RAPGEF2: variants seen among roughly 807,000 people sequenced by gnomAD.
RAPGEF2 encodes Rap guanine nucleotide exchange factor 2, also known as PDZ domain containing guanine nucleotide exchange factor (GEF) 1.
A neutral mutation model predicts 186.7 loss-of-function variants in RAPGEF2; 54 were observed. The observed-to-expected ratio is 0.29, with a 90% CI of 0.23 to 0.36. RAPGEF2 has a LOEUF of 0.36. Ranked by LOEUF, RAPGEF2 falls within the 10% of genes least tolerant of loss-of-function variation. The pLI, the probability that RAPGEF2 is intolerant of heterozygous loss-of-function variation, is 1.00. For missense variants in RAPGEF2, 1,532 were observed against 2,045.0 expected (o/e 0.75, Z 4.84); for synonymous variants, 712 against 705.9 (o/e 1.01, Z -0.14).
chr4:159,141,480 G>GGT (rs1438751874), intron 1 of RAPGEF2, among the ~76,000 whole-genome samples: 1 of 152,058 alleles, frequency 6.6e-6, no homozygotes, highest in Non-Finnish European at 1.5e-5. Context: ...ATAGTGCTGT[G>GGT]GTGAATATCA....
intron 8 of RAPGEF2, among the ~76,000 whole-genome samples, chr4:159,309,565 G>A (rs1421574113): frequency 2.0e-5 from 3 of 152,192 alleles, no homozygotes; most frequent in Non-Finnish European, 4.4e-5. Context: ...AGAGTCTTGA[G>A]TGAAGATCCT....
chr4:159,337,867 G>A (rs1487109321), intron 17 of RAPGEF2, among the ~76,000 whole-genome samples: 1 of 121,298 alleles, frequency 8.2e-6, no homozygotes, highest in African/African-American at 3.1e-5. Flanking sequence ...TCCAGCCTGG[G>A]TGACAGAGTG....
rs1056078833 is a variant in RAPGEF2 at position 159,304,561 on chromosome 4, A to T, written c.675+88A>T. On this transcript the variant is annotated intron_variant, in intron 8 of 29. Coordinates refer to ENST00000691494, the MANE Select transcript of RAPGEF2 (RefSeq NM_001394067.2). Reference sequence around the variant, plus strand: ...CTCAGCTGATAGAATCTATAAAATAAATATATGTGTATATTACATGTGCAT... The same window carrying T: ...CTCAGCTGATAGAATCTATAAAATATATATATGTGTATATTACATGTGCAT... 7.1e-6 allele frequency: 9 copies of T among 1,259,214 alleles called. No homozygotes were observed. The African/African-American group carries it at 1.2e-4, about 17-fold the overall frequency. 78.0% of individuals were successfully genotyped at this position (1,259,214 alleles called of 1,614,324 possible).
rs1378039894 is a variant in RAPGEF2, at chr4:159,359,239, T to C, written c.*1100T>C. The C allele has an allele frequency of 2.0e-5, 3 of 152,218 alleles. No homozygotes were observed. Among genetic ancestry groups the C allele is most frequent in the Non-Finnish European group, 4.4e-5 (3 of 68,030 alleles). 9.4% of individuals were successfully genotyped at this position (152,218 alleles called of 1,614,324 possible). ...GATGTTGGAGCTAATGCCAGCTGTT[T>C]ATACTGCTCTTTCAAGACAGCCTCC... On this transcript the variant is annotated 3_prime_UTR_variant, in exon 30 of 30. Transcript: ENST00000691494.
At chr4:159,144,803 T>G (rs1742731788) in intron 1 of RAPGEF2, among the ~76,000 whole-genome samples, 1 of 152,136 alleles carries the variant, frequency 6.6e-6, no homozygotes, top group Non-Finnish European at 1.5e-5. Flanking sequence ...TCTAACCTTT[T>G]AAGTACTTTT....
At chr4:159,131,724 G>A (rs879663943) in intron 1 of RAPGEF2, among the ~76,000 whole-genome samples, 1 of 151,348 alleles carries the variant, frequency 6.6e-6, no homozygotes, top group Non-Finnish European at 1.5e-5. Flanking sequence ...GAAAGTTATC[G>A]GGTTTTCTCA....
Position 159,245,576 on chromosome 4 carries a change from C to G in RAPGEF2, c.543+1785C>G, listed in dbSNP as rs1248415201. ...TGAAGAAAAGCTATGTTTATTTTAC[C>G]CATAGTTTCAAGCCTTCTCTGTATT... On this transcript the variant is annotated intron_variant, in intron 7 of 29. Transcript: ENST00000691494. Among the ~76,000 whole-genome samples the G allele has an allele frequency of 4.6e-5, 7 of 151,994 alleles. 1 individual carries two copies. Among genetic ancestry groups the G allele is most frequent in the African/African-American group, 1.4e-4 (6 of 41,512 alleles).
At chr4:159,188,351 A>G (rs950773636) in intron 2 of RAPGEF2, among the ~76,000 whole-genome samples, 27 of 152,170 alleles carry the variant, frequency 1.8e-4, no homozygotes, top group Non-Finnish European at 3.8e-4. Context: ...TTATACTTAC[A>G]GAAATTTTCT....
At chr4:159,259,782 A>G (rs866052444) in intron 7 of RAPGEF2, among the ~76,000 whole-genome samples, 5 of 152,136 alleles carry the variant, frequency 3.3e-5, no homozygotes, top group South Asian at 4.1e-4. Flanking sequence ...TGTTTTGGTA[A>G]TATTTAAGAA....
chr4:159,200,798 T>C (rs1749320309), intron 3 of RAPGEF2, among the ~76,000 whole-genome samples: 1 of 152,172 alleles, frequency 6.6e-6, no homozygotes, highest in South Asian at 2.1e-4. Flanking sequence ...ATAAATGAAG[T>C]AATTTCCTTA....
At chr4:159,320,779 A>G (rs1228920580) in intron 9 of RAPGEF2, among the ~76,000 whole-genome samples, 2 of 152,286 alleles carry the variant, frequency 1.3e-5, no homozygotes, top group East Asian at 3.9e-4. Context: ...TTAATAAACT[A>G]TATCCAAGAA....
intron 7 of RAPGEF2, among the ~76,000 whole-genome samples, chr4:159,270,909 G>A (rs1046349933): frequency 9.2e-5 from 14 of 152,044 alleles, no homozygotes; most frequent in African/African-American, 2.9e-4. Context: ...GTTAGTCTTC[G>A]GAGGAATCTC....
chr4:159,105,992 A>G (rs1183368023), intron 1 of RAPGEF2, among the ~76,000 whole-genome samples: 1 of 152,204 alleles, frequency 6.6e-6, no homozygotes, highest in Non-Finnish European at 1.5e-5. Flanking sequence ...GTCACCAAAC[A>G]AGACTAGAAG....
chr4:159,293,718 A>G (rs564284590), intron 7 of RAPGEF2, among the ~76,000 whole-genome samples: 1 of 152,236 alleles, frequency 6.6e-6, no homozygotes, highest in Non-Finnish European at 1.5e-5. Flanking sequence ...TCCTTTTCAT[A>G]AATCTGATGG....
chr4:159,175,414 G>T (rs1440508286), intron 1 of RAPGEF2, among the ~76,000 whole-genome samples: 1 of 152,072 alleles, frequency 6.6e-6, no homozygotes, highest in Non-Finnish European at 1.5e-5. Context: ...ACCTCAGCAG[G>T]CTGGTGATAT....
chr4:159,330,013 A>G lies in RAPGEF2; in HGVS notation c.1302+3A>G. 1.2e-6 allele frequency: 2 copies of G among 1,606,672 alleles called. No individual in the cohort carries two copies. The highest frequency in any genetic ancestry group is 2.2e-5 in the East Asian group (1 of 44,668). On this transcript the variant is annotated splice_donor_region_variant and intron_variant, in intron 12 of 29. Coordinates refer to ENST00000691494, the MANE Select transcript of RAPGEF2 (RefSeq NM_001394067.2). The stretch of plus-strand genomic sequence containing the variant: ...GAAAGGGACACATTGTCATCAAGGT[A>G]GGACACAGGACCACTCCTTCCCAAG...
intron 3 of RAPGEF2, among the ~76,000 whole-genome samples, chr4:159,209,147 CTCCCAAAGTGCTGAGATTATA>C (rs2111366823): frequency 6.9e-6 from 1 of 144,700 alleles, no homozygotes; most frequent in Admixed American, 7.2e-5. Context: ...CTGCCTGAGC[CTCCCAAAGTGCTGAGATTATA>C]GGTGTGAGCC....
At chr4:159,184,867 T>C (rs1747399176) in intron 1 of RAPGEF2, among the ~76,000 whole-genome samples, 1 of 152,224 alleles carries the variant, frequency 6.6e-6, no homozygotes, top group Admixed American at 6.5e-5. Context: ...AGGGTTTTTA[T>C]GGTTTTAGGT....
In RAPGEF2 at chr4:159,333,328, A is replaced by G. The variant is rs554396079; in HGVS notation, c.2135+631A>G. On this transcript the variant is annotated intron_variant, in intron 17 of 29. Coordinates refer to ENST00000691494, the MANE Select transcript of RAPGEF2 (RefSeq NM_001394067.2). Reference sequence around the variant, plus strand: ...GTGTTTGCCTCCTGTCTCCTCCATCATGATTTAGAGTTGCTTTTTCTACTG... The same window carrying G: ...GTGTTTGCCTCCTGTCTCCTCCATCGTGATTTAGAGTTGCTTTTTCTACTG... Among the ~76,000 whole-genome samples, 3 of 152,116 alleles carry G rather than the reference A, an allele frequency of 2.0e-5. No individual in the cohort carries two copies. In the East Asian group the frequency reaches 5.8e-4, roughly 29 times the overall value.
Sources: gnomAD v4.1 joint callset for allele counts (sites outside exome capture counted in the v4.1 genomes callset) on GRCh38, gnomAD v4.1.1 for gene constraint, MANE v1.5 for transcripts, NCBI Gene and HGNC (gene_info 2026-07-23, HGNC 2026-07-21) for gene names.